CNTN3: variants seen among roughly 807,000 people sequenced by gnomAD.
CNTN3 encodes contactin 3, also known as contactin-3.
Under a neutral mutation model 119.1 loss-of-function variants are expected in CNTN3, and 60 were observed. That is an observed-to-expected ratio of 0.50 (90% CI 0.41 to 0.62). The LOEUF (loss-of-function observed/expected upper bound fraction) is 0.62, where lower values mean the gene tolerates loss of function less well. CNTN3 is among the 20% of genes least tolerant of loss of function. CNTN3 has a pLI of 0.00. For synonymous variants in CNTN3, 450 were observed against 438.7 expected (o/e 1.03, Z -0.32); for missense variants, 1,101 against 1,242.4 (o/e 0.89, Z 1.71).
intron 1 of CNTN3, among the ~76,000 whole-genome samples, chr3:74,564,870 C>T (rs1704204160): frequency 6.6e-6 from 1 of 152,072 alleles, no homozygotes; most frequent in East Asian, 1.9e-4. Flanking sequence ...AAGATACCGA[C>T]ATCGTGGAAC....
At chr3:74,387,953 T>A (rs527847799) in intron 5 of CNTN3, among the ~76,000 whole-genome samples, 6 of 152,336 alleles carry the variant, frequency 3.9e-5, no homozygotes, top group Admixed American at 3.9e-4. Flanking sequence ...GACCTGGTAA[T>A]TAAAAATGTT....
chr3:74,452,920 G>C (rs1702188645), intron 4 of CNTN3, among the ~76,000 whole-genome samples: 1 of 151,254 alleles, frequency 6.6e-6, no homozygotes, highest in African/African-American at 2.4e-5. Flanking sequence ...CGGTTTGCCA[G>C]TATTTTATTG....
chr3:74,355,975 T>C (rs1703925810), intron 11 of CNTN3, among the ~76,000 whole-genome samples: 2 of 152,050 alleles, frequency 1.3e-5, no homozygotes, highest in Admixed American at 6.5e-5. Flanking sequence ...GTTACTCAAG[T>C]ACCTGCTATG....
chr3:74,273,903 A>C (rs1488443049), intron 20 of CNTN3, among the ~76,000 whole-genome samples: 2 of 152,056 alleles, frequency 1.3e-5, no homozygotes, highest in African/African-American at 4.8e-5. Flanking sequence ...GGAGGTGGGT[A>C]GCCTGGGGAA....
chr3:74,418,149 C>A (rs1225288964), intron 5 of CNTN3, among the ~76,000 whole-genome samples: 1 of 151,990 alleles, frequency 6.6e-6, no homozygotes, highest in East Asian at 1.9e-4. Flanking sequence ...CACACATTGA[C>A]CTCTGATGCA....
intron 1 of CNTN3, among the ~76,000 whole-genome samples, chr3:74,530,065 C>CA (rs1208865316): frequency 6.6e-6 from 1 of 152,034 alleles, no homozygotes; most frequent in Admixed American, 6.6e-5. Flanking sequence ...GGGAAAAACT[C>CA]AAATTCACTG....
At chr3:74,276,762 A>C (rs2106763382) in intron 20 of CNTN3, among the ~76,000 whole-genome samples, 1 of 152,280 alleles carries the variant, frequency 6.6e-6, no homozygotes, top group Non-Finnish European at 1.5e-5. Flanking sequence ...AACTCAGCAG[A>C]AGAAAGGAAA....
At chr3:74,292,584 A>G (rs1338692716) in intron 19 of CNTN3, among the ~76,000 whole-genome samples, 1 of 152,172 alleles carries the variant, frequency 6.6e-6, no homozygotes. Context: ...AAATAGATAG[A>G]TAAATAAATA....
At chr3:74,417,957 G>A (rs1701551061) in intron 5 of CNTN3, among the ~76,000 whole-genome samples, 1 of 152,110 alleles carries the variant, frequency 6.6e-6, no homozygotes, top group Admixed American at 6.5e-5. Context: ...CCCAGGATAG[G>A]AGCAATAAAT....
intron 5 of CNTN3, among the ~76,000 whole-genome samples, chr3:74,400,747 A>T (rs1705170112): frequency 6.6e-6 from 1 of 152,160 alleles, no homozygotes; most frequent in Non-Finnish European, 1.5e-5. Context: ...AGCTCTGGGC[A>T]TTCAGCTTTA....
intron 5 of CNTN3, among the ~76,000 whole-genome samples, chr3:74,413,311 A>G (rs1161521519): frequency 6.6e-6 from 1 of 152,212 alleles, no homozygotes; most frequent in Non-Finnish European, 1.5e-5. Context: ...GAGACTTTGG[A>G]GTTGTTTGTT....
intron 4 of CNTN3, among the ~76,000 whole-genome samples, chr3:74,450,881 T>C (rs1175071638): frequency 6.6e-6 from 1 of 152,190 alleles, no homozygotes; most frequent in East Asian, 1.9e-4. Context: ...CATGGTGTTA[T>C]CTGTGCCATA....
chr3:74,264,628 T>C (rs1456766456), intron 22 of CNTN3, 127 bp from the exon 23 acceptor site: 1 of 520,922 alleles, frequency 1.9e-6, no homozygotes, highest in Non-Finnish European at 3.4e-6. Flanking sequence ...AATGTCAGAG[T>C]ATTAGGAGGT....
At chr3:74,408,398 G>A (rs148596458) in intron 5 of CNTN3, among the ~76,000 whole-genome samples, 38 of 152,222 alleles carry the variant, frequency 2.5e-4, no homozygotes, top group African/African-American at 8.4e-4. Flanking sequence ...AACAGTGGTC[G>A]GTTTTTCAAA....
chr3:74,277,213 TC>T (rs1464873648), intron 20 of CNTN3, among the ~76,000 whole-genome samples: 1 of 151,754 alleles, frequency 6.6e-6, no homozygotes, highest in Non-Finnish European at 1.5e-5. Flanking sequence ...TTGGAACCAA[TC>T]CTGTTTACAC....
intron 1 of CNTN3, among the ~76,000 whole-genome samples, chr3:74,585,635 C>T (rs190119444): frequency 1.3e-5 from 2 of 152,034 alleles, no homozygotes; most frequent in Non-Finnish European, 2.9e-5. Flanking sequence ...TACACGATGA[C>T]TTGATCACTA....
At chr3:74,484,399 T>C (rs1018419441) in intron 4 of CNTN3, among the ~76,000 whole-genome samples, 1 of 151,896 alleles carries the variant, frequency 6.6e-6, no homozygotes, top group Non-Finnish European at 1.5e-5. Context: ...CAGGAAGTCA[T>C]AGGAAAGAAC....
At chr3:74,589,962 TG>T (rs1207824847) in intron 1 of CNTN3, among the ~76,000 whole-genome samples, 1,204 of 22,050 alleles carry the variant, frequency 0.055, 9 homozygotes, top group South Asian at 0.13. Context: ...TGTTGTGGGG[TG>T]GGGGGGAGGG....
intron 2 of CNTN3, among the ~76,000 whole-genome samples, chr3:74,505,101 C>T (rs757340819): frequency 6.6e-6 from 1 of 151,972 alleles, no homozygotes; most frequent in Non-Finnish European, 1.5e-5. Context: ...CCAAATTTCC[C>T]CTTTTTTCAT....
Sources: gnomAD v4.1 joint callset for allele counts (sites outside exome capture counted in the v4.1 genomes callset) on GRCh38, gnomAD v4.1.1 for gene constraint, MANE v1.5 for transcripts, NCBI Gene and HGNC (gene_info 2026-07-23, HGNC 2026-07-21) for gene names.